The following ARHGAP8 variants were observed in gnomAD, a reference collection of about 807,000 sequenced individuals.
ARHGAP8 encodes the protein rho GTPase-activating protein 8.
Under a neutral mutation model 46.1 loss-of-function variants are expected in ARHGAP8, and 62 were observed. The ratio of observed to expected loss-of-function variants is 1.34; its 90% CI spans 1.10 to 1.66. The LOEUF (loss-of-function observed/expected upper bound fraction) is 1.66, where lower values mean the gene tolerates loss of function less well. ARHGAP8 is among the 40% of genes most tolerant of loss of function. The pLI is 0.00. For synonymous variants in ARHGAP8, 375 were observed against 243.1 expected (o/e 1.54, Z -5.05); for missense variants, 923 against 568.4 (o/e 1.62, Z -6.34).
chr22:44,791,139 C>G (rs1927652046), intron 2 of ARHGAP8, among the ~76,000 whole-genome samples: 1 of 151,796 alleles, frequency 6.6e-6, no homozygotes, highest in Non-Finnish European at 1.5e-5. Flanking sequence ...AAAAAGAAAA[C>G]TAATTGGAAC....
At chr22:44,792,972 T>C (rs1187846820) in intron 2 of ARHGAP8, among the ~76,000 whole-genome samples, 3 of 151,990 alleles carry the variant, frequency 2.0e-5, no homozygotes, top group Non-Finnish European at 4.4e-5. Context: ...TATAGGTGCC[T>C]GCCACCATGC....
intron 7 of ARHGAP8, among the ~76,000 whole-genome samples, chr22:44,837,029 C>T (rs970708032): frequency 1.4e-4 from 21 of 152,090 alleles, no homozygotes; most frequent in African/African-American, 3.9e-4. Flanking sequence ...GGACTACAGG[C>T]GCGTGCCACC....
intron 5 of ARHGAP8, among the ~76,000 whole-genome samples, chr22:44,815,892 C>T (rs1183587041): frequency 7.9e-5 from 12 of 151,456 alleles, no homozygotes; most frequent in Non-Finnish European, 1.5e-4. Flanking sequence ...CGTTCTTGCA[C>T]GGTGGCTCTG....
At chr22:44,848,699 C>T (rs1159511378) in intron 9 of ARHGAP8, among the ~76,000 whole-genome samples, 1 of 152,094 alleles carries the variant, frequency 6.6e-6, no homozygotes, top group Non-Finnish European at 1.5e-5. Context: ...AGCCAGCAGC[C>T]CACCCCAGTC....
chr22:44,798,075 C>G (rs921580982), intron 2 of ARHGAP8, among the ~76,000 whole-genome samples: 2 of 150,990 alleles, frequency 1.3e-5, no homozygotes, highest in African/African-American at 4.9e-5. Context: ...CTCCCGAGTT[C>G]AAGAGATTCT....
At chr22:44,757,983 T>C (rs132445) in intron 1 of ARHGAP8, among the ~76,000 whole-genome samples, 113,714 of 151,996 alleles carry the variant, frequency 0.75, 42,584 homozygotes, top group South Asian at 0.76. Flanking sequence ...CAGCCAGTGG[T>C]CTCCACCTCA....
chr22:44,801,913 C>T, intron 2 of ARHGAP8, 164 bp from the exon 3 acceptor site: 10 of 679,220 alleles, frequency 1.5e-5, no homozygotes, highest in Non-Finnish European at 2.5e-5. Context: ...TGCATAAAGC[C>T]ACAGGTGATG....
intron 7 of ARHGAP8, among the ~76,000 whole-genome samples, chr22:44,836,893 T>C (rs1465512962): frequency 6.6e-6 from 1 of 152,072 alleles, no homozygotes; most frequent in Non-Finnish European, 1.5e-5. Flanking sequence ...TGTTTGTTTG[T>C]TTTGAGGCAG....
At chr22:44,823,976 G>C (rs1002300170) in intron 6 of ARHGAP8, among the ~76,000 whole-genome samples, 9 of 152,132 alleles carry the variant, frequency 5.9e-5, no homozygotes, top group African/African-American at 2.2e-4. Flanking sequence ...CTGTTCCATA[G>C]CCATGCAGCA....
intron 2 of ARHGAP8, among the ~76,000 whole-genome samples, chr22:44,801,335 G>GGGGGGC (rs1928520760): frequency 1.2e-5 from 1 of 81,992 alleles, no homozygotes. Flanking sequence ...GTCTATGTGT[G>GGGGGGC]AGGGGCACCT....
At chr22:44,771,022 T>A (rs930880626) in intron 1 of ARHGAP8, among the ~76,000 whole-genome samples, 14 of 152,208 alleles carry the variant, frequency 9.2e-5, no homozygotes, top group African/African-American at 3.4e-4. Flanking sequence ...ACTGTCATAA[T>A]TTTTTCACTG....
At chr22:44,831,810 G>C (rs1930966008) in intron 7 of ARHGAP8, among the ~76,000 whole-genome samples, 1 of 152,086 alleles carries the variant, frequency 6.6e-6, no homozygotes, top group African/African-American at 2.4e-5. Context: ...CTTGCCTATT[G>C]GTCTATATGT....
At chr22:44,827,338 T>TTTTTG (rs1930599113) in intron 7 of ARHGAP8, among the ~76,000 whole-genome samples, 1 of 97,248 alleles carries the variant, frequency 1.0e-5, no homozygotes, top group African/African-American at 4.9e-5. Context: ...GGGTGGTGGT[T>TTTTTG]TTTTTTTTTT....
At chr22:44,842,410 A>G (rs975228449) in intron 7 of ARHGAP8, among the ~76,000 whole-genome samples, 2 of 152,184 alleles carry the variant, frequency 1.3e-5, no homozygotes, top group African/African-American at 2.4e-5. Flanking sequence ...ACACATCCCC[A>G]GTCATTTCCT....
chr22:44,857,944 ACAGAG>A (rs1210634729), intron 10 of ARHGAP8, among the ~76,000 whole-genome samples: 1 of 36,350 alleles, frequency 2.8e-5, no homozygotes, highest in African/African-American at 1.4e-4. Flanking sequence ...CAGAGGGACC[ACAGAG>A]CTGAGGGTGA....
intron 11 of ARHGAP8, 68 bp downstream of exon 11, chr22:44,859,902 G>C (rs1480117083): frequency 9.7e-6 from 15 of 1,548,390 alleles, no homozygotes; most frequent in Non-Finnish European, 1.3e-5. Flanking sequence ...GGCCCGCATG[G>C]ACCAGTCCCC....
intron 1 of ARHGAP8, among the ~76,000 whole-genome samples, chr22:44,760,362 C>T (rs76889119): frequency 3.3e-5 from 5 of 152,178 alleles, no homozygotes; most frequent in African/African-American, 1.2e-4. Context: ...CTCCTGCCCC[C>T]ATCATTCCTG....
rs914544633 is a variant in ARHGAP8, at chr22:44,756,527, G to T, written c.-72+3900G>T. Among the ~76,000 whole-genome samples the T allele has an allele frequency of 2.0e-5, 3 of 151,782 alleles. No homozygotes were observed. The East Asian group carries it at 5.8e-4, about 29-fold the overall frequency. Reference sequence around the variant, plus strand: ...ATGTACAATGAGCCGCCATCTCCCAGCGTCAACTATAGCCACCCTGCAGCC... The same window carrying T: ...ATGTACAATGAGCCGCCATCTCCCATCGTCAACTATAGCCACCCTGCAGCC... On this transcript the variant is annotated intron_variant, in intron 1 of 11. Transcript: ENST00000356099.
intron 1 of ARHGAP8, among the ~76,000 whole-genome samples, chr22:44,779,910 G>A (rs1304864400): frequency 6.6e-6 from 1 of 152,076 alleles, no homozygotes; most frequent in Admixed American, 6.6e-5. Flanking sequence ...GTCCCTTGAA[G>A]GGCATTTCCT....
Sources: allele counts gnomAD v4.1 joint callset (sites outside exome capture counted in the v4.1 genomes callset), GRCh38; gene constraint gnomAD v4.1.1; transcripts MANE v1.5; gene names NCBI Gene and HGNC (gene_info 2026-07-23, HGNC 2026-07-21).